LRRC4C: variants seen among roughly 807,000 people sequenced by gnomAD.
LRRC4C encodes the protein leucine rich repeat containing 4C.
Under a neutral mutation model 33.6 loss-of-function variants are expected in LRRC4C, and 5 were observed. The ratio of observed to expected loss-of-function variants is 0.15; its 90% confidence interval spans 0.08 to 0.31. The LOEUF (loss-of-function observed/expected upper bound fraction) is 0.31, where lower values mean the gene tolerates loss of function less well. Ranked by LOEUF, LRRC4C falls within the 10% of genes least tolerant of loss-of-function variation. LRRC4C has a pLI of 1.00. For missense variants in LRRC4C, 560 were observed against 796.7 expected (o/e 0.70, Z 3.58); for synonymous variants, 329 against 302.0 (o/e 1.09, Z -0.93).
chr11:40,720,161 G>T (rs984272422), intron 2 of LRRC4C, among the ~76,000 whole-genome samples: 1 of 151,948 alleles, frequency 6.6e-6, no homozygotes, highest in African/African-American at 2.4e-5. Context: ...TTTCTCATTA[G>T]TTGTAGCACT....
intron 1 of LRRC4C, among the ~76,000 whole-genome samples, chr11:41,077,563 G>A (rs1014110645): frequency 3.3e-5 from 5 of 152,156 alleles, no homozygotes; most frequent in African/African-American, 1.2e-4. Flanking sequence ...GATGGAGGGT[G>A]TCATGTTGCA....
At position 40,918,349 on chromosome 11, in the gene LRRC4C, G is replaced by T. The variant is rs535743701; in HGVS notation, c.-407+15286C>A. On this transcript the variant is annotated intron_variant, in intron 2 of 6. Transcript: ENST00000528697. ...TGTGCATGTGTTTTGCATTTAAAGA[G>T]AGAGTGGGATACCTGCAAATGCATA... Among the ~76,000 whole-genome samples, 5 of 151,954 alleles carry T rather than the reference G, an allele frequency of 3.3e-5. No homozygotes were observed. In the East Asian group the frequency reaches 9.7e-4, roughly 29 times the overall value.
intron 3 of LRRC4C, among the ~76,000 whole-genome samples, chr11:40,623,302 A>G (rs562723842): frequency 3.3e-5 from 5 of 152,002 alleles, no homozygotes; most frequent in Non-Finnish European, 5.9e-5. Context: ...TCATTAAATA[A>G]GAGTTATAGG....
intron 1 of LRRC4C, among the ~76,000 whole-genome samples, chr11:41,415,115 T>A (rs1954628539): frequency 6.6e-6 from 1 of 152,208 alleles, no homozygotes; most frequent in Non-Finnish European, 1.5e-5. Context: ...AAGATGCTCA[T>A]AAGTAAACAA....
chr11:40,855,376 C>T (rs1380752524), intron 2 of LRRC4C, among the ~76,000 whole-genome samples: 1 of 152,176 alleles, frequency 6.6e-6, no homozygotes, highest in African/African-American at 2.4e-5. Flanking sequence ...CCCTTTAAAA[C>T]AGTAACCGAA....
intron 3 of LRRC4C, among the ~76,000 whole-genome samples, chr11:40,645,058 A>T (rs534302391): frequency 6.6e-6 from 1 of 152,140 alleles, no homozygotes; most frequent in African/African-American, 2.4e-5. Context: ...TCTCTACTGC[A>T]CGGCAATCAT....
chr11:41,317,246 T>C lies in LRRC4C; in HGVS notation c.-496+142185A>G, dbSNP rs575765229. Among the ~76,000 whole-genome samples, 101 of 107,574 alleles carry C rather than the reference T, an allele frequency of 9.4e-4. 1 individual carries two copies. Among genetic ancestry groups the C allele is most frequent in the African/African-American group, 3.0e-3 (99 of 33,296 alleles). The allele number at this position is 107,574 out of a possible 152,430, so 70.6% of individuals were successfully genotyped here. On this transcript the variant is annotated intron_variant, in intron 1 of 6. Coordinates refer to ENST00000528697, the MANE Select transcript of LRRC4C (RefSeq NM_001258419.2). Reference sequence around the variant, plus strand: ...AAGTCATTTAACCTTGATAAGCCACTGATTTTTTTTTTTTTAACCTTAAAA... The same window carrying C: ...AAGTCATTTAACCTTGATAAGCCACCGATTTTTTTTTTTTTAACCTTAAAA...
At chr11:41,188,910 CCCA>C (rs1945822300) in intron 1 of LRRC4C, among the ~76,000 whole-genome samples, 2 of 135,458 alleles carry the variant, frequency 1.5e-5, no homozygotes, top group African/African-American at 5.3e-5. Flanking sequence ...TGCCCCCCCC[CCCA>C]AAAAAAAGTA....
At chr11:41,259,438 C>G (rs547121105) in intron 1 of LRRC4C, among the ~76,000 whole-genome samples, 1 of 151,928 alleles carries the variant, frequency 6.6e-6, no homozygotes, top group East Asian at 1.9e-4. Flanking sequence ...ATTCTTGTCT[C>G]TAAGTATCTT....
chr11:40,690,891 G>T (rs558136530), intron 2 of LRRC4C, among the ~76,000 whole-genome samples: 1 of 151,982 alleles, frequency 6.6e-6, no homozygotes, highest in African/African-American at 2.4e-5. Context: ...AAACTTAAAA[G>T]AAGAAAGGAC....
chr11:40,718,261 T>C (rs961344047), intron 2 of LRRC4C, among the ~76,000 whole-genome samples: 21 of 152,298 alleles, frequency 1.4e-4, no homozygotes, highest in African/African-American at 4.6e-4. Flanking sequence ...ATGAGGGGTG[T>C]CGGTGCTACA....
At chr11:40,578,923 T>C (rs1222153622) in intron 3 of LRRC4C, among the ~76,000 whole-genome samples, 1 of 152,098 alleles carries the variant, frequency 6.6e-6, no homozygotes, top group Non-Finnish European at 1.5e-5. Flanking sequence ...ACGTGTTTGT[T>C]AATGTTGTTC....
intron 1 of LRRC4C, among the ~76,000 whole-genome samples, chr11:41,142,652 T>C (rs1219848238): frequency 6.6e-6 from 1 of 152,126 alleles, no homozygotes; most frequent in Non-Finnish European, 1.5e-5. Flanking sequence ...AAGACTGATG[T>C]TATTGATGGG....
chr11:41,361,474 G>A (rs1236765542), intron 1 of LRRC4C, among the ~76,000 whole-genome samples: 1 of 152,152 alleles, frequency 6.6e-6, no homozygotes, highest in South Asian at 2.1e-4. Context: ...GCACATTACT[G>A]TCTTGAAGTT....
intron 3 of LRRC4C, among the ~76,000 whole-genome samples, chr11:40,434,355 C>T (rs1353907559): frequency 2.0e-5 from 3 of 152,132 alleles, no homozygotes; most frequent in African/African-American, 4.8e-5. Flanking sequence ...TACGGGAGGG[C>T]GAGCTGTATT....
intron 2 of LRRC4C, among the ~76,000 whole-genome samples, chr11:40,650,726 C>T (rs932847131): frequency 6.6e-6 from 1 of 152,140 alleles, no homozygotes; most frequent in African/African-American, 2.4e-5. Context: ...AAAATAACTT[C>T]CTGTGCATCT....
At chr11:41,356,629 C>T (rs1206969216) in intron 1 of LRRC4C, among the ~76,000 whole-genome samples, 1 of 152,092 alleles carries the variant, frequency 6.6e-6, no homozygotes, top group Non-Finnish European at 1.5e-5. Context: ...AACTTGACCT[C>T]CTAGAGAAGG....
chr11:41,335,545 T>C lies in LRRC4C; in HGVS notation c.-496+123886A>G, dbSNP rs1021052992. On this transcript the variant is annotated intron_variant, in intron 1 of 6. Coordinates refer to ENST00000528697, the MANE Select transcript of LRRC4C (RefSeq NM_001258419.2). ...CATTTTTTATTGTGTGCTTCTTCCA[T>C]AGAGGGTAGAATTTCTAAGGGCAGA... Among the ~76,000 whole-genome samples, 7 of 152,318 alleles carry C rather than the reference T, an allele frequency of 4.6e-5. No homozygotes were observed. The South Asian group carries it at 6.2e-4, about 14-fold the overall frequency.
chr11:41,315,836 T>C (rs1407994085), intron 1 of LRRC4C, among the ~76,000 whole-genome samples: 1 of 152,224 alleles, frequency 6.6e-6, no homozygotes, highest in Non-Finnish European at 1.5e-5. Context: ...TACATAGCTA[T>C]GAACCATGTC....
Sources: gnomAD v4.1 joint callset for allele counts (sites outside exome capture counted in the v4.1 genomes callset) on GRCh38, gnomAD v4.1.1 for gene constraint, MANE v1.5 for transcripts, NCBI Gene and HGNC (gene_info 2026-07-23, HGNC 2026-07-21) for gene names.